ROBO4: variants seen among roughly 807,000 people sequenced by gnomAD.
ROBO4 encodes roundabout homolog 4.
In ROBO4, 80 loss-of-function variants were observed where a neutral mutation model predicts 103.3. The observed-to-expected ratio is 0.77, with a 90% confidence interval of 0.65 to 0.93. The LOEUF is 0.93. ROBO4 is among the 40% of genes least tolerant of loss of function. ROBO4 has a pLI of 0.00. For missense variants in ROBO4, 1,333 were observed against 1,305.3 expected (o/e 1.02, Z -0.33); for synonymous variants, 504 against 529.7 (o/e 0.95, Z 0.67).
At position 124,894,245 on chromosome 11, in the gene ROBO4, C is replaced by T. The variant is rs762597091; in HGVS notation, c.1274G>A (p.Gly425Asp). Reference sequence around the variant, plus strand: ...TCTACTGGGCTCCCCAGCTCCAGCACCAGTGACTGCAGCCACTTGCACGCA... The same window carrying T: ...TCTACTGGGCTCCCCAGCTCCAGCATCAGTGACTGCAGCCACTTGCACGCA... ...SYCVQVAAVT[G>D]AGAGEPSRPV... The change falls in exon 8 of 18, where the codon GGT becomes GAT. Residue 425 changes from glycine (G) to aspartate (D), a missense_variant. By Grantham distance (94) the Gly-to-Asp change is moderately conservative (BLOSUM62 -1). Coordinates refer to ENST00000306534, the MANE Select transcript of ROBO4 (RefSeq NM_019055.6). The T allele has an allele frequency of 3.1e-6, 5 of 1,613,810 alleles. No homozygotes were observed. The highest frequency in any genetic ancestry group is 2.7e-5 in the African/African-American group (2 of 74,910).
At position 124,896,960 on chromosome 11, in the gene ROBO4, G is replaced by T. The variant is rs1355954301; in HGVS notation, c.372C>A (p.Val124=). 1.8e-5 allele frequency: 29 copies of T among 1,613,636 alleles called. No individual in the cohort carries two copies. The highest frequency in any genetic ancestry group is 2.5e-5 in the Non-Finnish European group (29 of 1,180,018). Residue 124 remains valine (V), a synonymous_variant, in exon 2 of 18, where the codon GTC becomes GTA. Transcript: ENST00000306534. The part of the protein sequence containing the change: ...CEASNRLGTA[V]SRGARLSVAV... ...CCACAGACAGCCGAGCGCCTCTGCT[G>T]ACTGCCGTGCCAAGCCGGTTGCTGG...
In ROBO4 at chr11:124,885,091, T is replaced by G. The variant is rs571041984; in HGVS notation, c.2951A>C (p.Gln984Pro). 32 of 1,614,150 alleles carry G rather than the reference T, an allele frequency of 2.0e-5. No homozygotes were observed. In the East Asian group the frequency reaches 6.7e-4, roughly 34 times the overall value. ...GAGCTGACTTCTCTGGGAAGAGATC[T>G]GAGAGTCAGGGGGCCAGGGAGGCAT... ...RGMPPWPPDS[Q>P]ISSQRSQLHC... Residue 984 changes from glutamine (Q) to proline (P), a missense_variant, in exon 17 of 18, where the codon CAG (glutamine) becomes CCG (proline). Transcript: ENST00000306534.
chr11:124,894,001 G>A lies in ROBO4; in HGVS notation c.1363C>T (p.Pro455Ser). 1.3e-6 allele frequency: 2 copies of A among 1,571,410 alleles called. No homozygotes were observed. Among genetic ancestry groups the A allele is most frequent in the East Asian group, 2.2e-5 (1 of 44,514 alleles). ...GCCCTCAGCTGCTCCAGGGTCCAGG[G>A]ACCATGCTCACTGGGTTCTTGGGTG... ...RATQEPSEHG[P>S]WTLEQLRATL... is the part of the protein sequence containing the mutation. Residue 455 changes from proline to serine, a missense_variant, in exon 9 of 18, where the codon CCC (proline) becomes TCC (serine). Pro to Ser is a moderately conservative substitution (Grantham distance 74). Transcript: ENST00000306534.
chr11:124,896,023 C>T, intron 4 of ROBO4, 111 bp from the exon 5 acceptor site: 4 of 1,548,718 alleles, frequency 2.6e-6, no homozygotes, highest in Non-Finnish European at 3.5e-6. Context: ...CTCCCAGAGT[C>T]TCCAGGTCTT....
In ROBO4 at chr11:124,891,482, G is replaced by T. The variant is rs762249155; in HGVS notation, c.1765C>A (p.Leu589Met). ...STFYGSLIAELPSSTPARPSP... is the reference protein window; with the variant it reads ...STFYGSLIAEMPSSTPARPSP... ...GGCCTGGCTGGGGTACTGGAGGGCA[G>T]CTCAGCGATGAGGGAGCCATAAAAA... The change falls in exon 12 of 18, where the codon CTG (leucine) becomes ATG (methionine). Residue 589 changes from leucine to methionine, a missense_variant. Coordinates refer to ENST00000306534, the MANE Select transcript of ROBO4 (RefSeq NM_019055.6). 3.5e-5 allele frequency: 56 copies of T among 1,613,206 alleles called. No homozygotes were observed. The highest frequency in any genetic ancestry group is 4.7e-5 in the Non-Finnish European group (55 of 1,179,562).
intron 12 of ROBO4, 58 bp from the exon 13 acceptor site, chr11:124,887,898 G>C: frequency 7.2e-7 from 1 of 1,395,632 alleles, no homozygotes. Flanking sequence ...GACCCCAGCT[G>C]CTGGCTCTAT....
intron 10 of ROBO4, 30 bp downstream of exon 10, chr11:124,893,658 T>C: frequency 6.2e-7 from 1 of 1,609,382 alleles, no homozygotes; most frequent in Non-Finnish European, 8.5e-7. Context: ...CCACCCTCCC[T>C]TACTTCAGAC....
intron 3 of ROBO4, 94 bp downstream of exon 3, chr11:124,896,419 G>C (rs539957826): frequency 6.3e-7 from 1 of 1,590,698 alleles, no homozygotes; most frequent in African/African-American, 1.3e-5. Flanking sequence ...AAATTCTACC[G>C]GAGGATGCGG....
Position 124,891,574 on chromosome 11 carries a change from A to G in ROBO4, c.1685-12T>C, listed in dbSNP as rs1195358472. On this transcript the variant is annotated splice_polypyrimidine_tract_variant and intron_variant, in intron 11 of 17. Transcript: ENST00000306534. ...GTCCCAGGAGAGCACTGTGACATAA[A>G]TGACAGGAGGAATTATGGTGAGCAT... is the stretch of plus-strand genomic sequence containing the variant. The G allele has an allele frequency of 8.1e-6, 13 of 1,614,072 alleles. No homozygotes were observed. The highest frequency in any genetic ancestry group is 1.1e-5 in the Non-Finnish European group (13 of 1,180,024).
In ROBO4 at chr11:124,886,768, G is replaced by A. The variant is rs1238143409; in HGVS notation, c.2490C>T (p.Tyr830=). 24 of 1,553,856 alleles carry A rather than the reference G, an allele frequency of 1.5e-5. No homozygotes were observed. The highest frequency in any genetic ancestry group is 3.7e-5 in the Admixed American group (2 of 53,908). ...ACTCTGAGGCTGTTGGGACGCTGAT[G>A]TACCCATAGGTGGTGGGGGGTGAAG... ...RAPSPPTTYG[Y]ISVPTASEFT... Residue 830 remains tyrosine (Y), a synonymous_variant, in exon 16 of 18, where the codon TAC becomes TAT. Coordinates refer to ENST00000306534, the MANE Select transcript of ROBO4 (RefSeq NM_019055.6).
intron 16 of ROBO4, 33 bp from the exon 17 acceptor site, chr11:124,885,280 T>C: frequency 6.3e-7 from 1 of 1,583,434 alleles, no homozygotes; most frequent in East Asian, 2.2e-5. Context: ...CTGTGGGAGG[T>C]TGACCTTCAG....
chr11:124,894,108 G>T, intron 8 of ROBO4, 63 bp from the exon 9 acceptor site: 2 of 1,549,386 alleles, frequency 1.3e-6, no homozygotes, highest in East Asian at 4.5e-5. Flanking sequence ...GGCAGGCAAG[G>T]GGGAAGAGCT....
intron 12 of ROBO4, 30 bp from the exon 13 acceptor site, chr11:124,887,870 C>A (rs570766237): frequency 1.3e-6 from 2 of 1,583,632 alleles, no homozygotes; most frequent in Non-Finnish European, 1.7e-6. Flanking sequence ...GGTTGTGGGG[C>A]CCAGGATGGA....
rs139471672 is a variant in ROBO4 at position 124,887,432 on chromosome 11, C to A, written c.2124G>T (p.Glu708Asp). ...CTGGAGGGAGATGACGAGTAACCAG[C>A]TCATTTGAGGAGCTGAGGAGTTTCG... Reference protein sequence around the residue: ...LGPKLLSSSNELVTRHLPPAP... With the variant: ...LGPKLLSSSNDLVTRHLPPAP... The change falls in exon 14 of 18, where the codon GAG becomes GAT. Residue 708 changes from glutamate (E) to aspartate (D), a missense_variant. Glu to Asp is a conservative substitution (Grantham distance 45, BLOSUM62 2). Transcript: ENST00000306534. 78 of 1,614,046 alleles carry A rather than the reference C, an allele frequency of 4.8e-5. No homozygotes were observed. In the African/African-American group the frequency reaches 9.1e-4, roughly 19 times the overall value.
chr11:124,896,579 G>C lies in ROBO4; in HGVS notation c.492C>G (p.His164Gln), dbSNP rs1008414399. 1.9e-6 allele frequency: 3 copies of C among 1,614,024 alleles called. No homozygotes were observed. The highest frequency in any genetic ancestry group is 1.7e-5 in the Admixed American group (1 of 60,012). ...FTLECGPPWG[H>Q]PEPTVSWWKD... ...TCCACCATGAGACTGTGGGCTCTGG[G>C]TGGCCCCAGGGCGGCCCACATTCCA... Residue 164 changes from histidine (H) to glutamine (Q), a missense_variant, in exon 3 of 18, where the codon CAC becomes CAG. Physicochemically the swap from His to Gln is conservative, Grantham distance 24 (BLOSUM62 0). Transcript: ENST00000306534.
At chr11:124,896,038 A>T (rs868861945) in intron 4 of ROBO4, 126 bp from the exon 5 acceptor site, 2 of 1,529,596 alleles carry the variant, frequency 1.3e-6, no homozygotes, top group Non-Finnish European at 1.8e-6. Flanking sequence ...GGTCTTGAGC[A>T]TTCCGATTTC....
At chr11:124,894,526 A>G in intron 7 of ROBO4, 157 bp from the exon 8 acceptor site, 2 of 648,002 alleles carry the variant, frequency 3.1e-6, no homozygotes, top group Non-Finnish European at 5.2e-6. Context: ...CTCCCTACCA[A>G]GTGAGAGATA....
At chr11:124,895,376 G>A in intron 6 of ROBO4, 81 bp downstream of exon 6, 1 of 1,376,808 alleles carries the variant, frequency 7.3e-7, no homozygotes, top group Admixed American at 1.9e-5. Flanking sequence ...CCTCAAGACT[G>A]AAGCAGAACA....
At chr11:124,887,278 C>T in intron 14 of ROBO4, 65 bp from the exon 15 acceptor site, 2 of 1,602,906 alleles carry the variant, frequency 1.2e-6, no homozygotes, top group Admixed American at 1.7e-5. Context: ...TTCCCCCCTT[C>T]CCCAGCCTGT....
Sources: gnomAD v4.1 joint callset for allele counts on GRCh38, gnomAD v4.1.1 for gene constraint, MANE v1.5 for transcripts, NCBI Gene and HGNC (gene_info 2026-07-23, HGNC 2026-07-21) for gene names.